Variants in ERBB4 observed in about 807,000 individuals in gnomAD.
The protein encoded by ERBB4 is erb-b2 receptor tyrosine kinase 4, also known as receptor tyrosine-protein kinase erbB-4.
Under a neutral mutation model 158.0 loss-of-function variants are expected in ERBB4, and 42 were observed. That is an observed-to-expected ratio of 0.27 (90% CI 0.21 to 0.34). The LOEUF is 0.34. Among genes scored for constraint, ERBB4 ranks in the 10% least tolerant of loss-of-function variants. The probability of loss-of-function intolerance (pLI) is 1.00; values close to 1 mark genes in which losing one functional copy is unlikely to be tolerated. For missense variants in ERBB4, 1,333 were observed against 1,624.1 expected (o/e 0.82, Z 3.08); for synonymous variants, 583 against 558.7 (o/e 1.04, Z -0.61).
At chr2:211,716,593 G>T (rs1446927996) in intron 7 of ERBB4, among the ~76,000 whole-genome samples, 4 of 149,554 alleles carry the variant, frequency 2.7e-5, no homozygotes, top group African/African-American at 9.9e-5. Context: ...GGAGAATGGC[G>T]TGAACCCGGG....
intron 1 of ERBB4, among the ~76,000 whole-genome samples, chr2:212,295,274 C>T (rs1471595085): frequency 6.6e-6 from 1 of 151,922 alleles, no homozygotes; most frequent in African/African-American, 2.4e-5. Flanking sequence ...TCAAAGCACC[C>T]ATAAGAAACA....
intron 1 of ERBB4, among the ~76,000 whole-genome samples, chr2:212,447,483 G>A (rs1048223841): frequency 6.6e-6 from 1 of 151,978 alleles, no homozygotes; most frequent in African/African-American, 2.4e-5. Context: ...CTTTTATTAT[G>A]AGCTAGTATT....
intron 13 of ERBB4, 29 bp downstream of exon 13, chr2:211,679,023 G>A (rs2105958577): frequency 1.3e-6 from 2 of 1,559,288 alleles, no homozygotes; most frequent in Non-Finnish European, 1.8e-6. Flanking sequence ...AAGCTCATGA[G>A]GTGAAGGCAA....
chr2:211,552,916 T>C (rs1033992140), intron 20 of ERBB4, among the ~76,000 whole-genome samples: 23 of 152,132 alleles, frequency 1.5e-4, no homozygotes, highest in Non-Finnish European at 3.2e-4. Context: ...TCCCCTGAGC[T>C]CAGTTCTTTG....
intron 1 of ERBB4, among the ~76,000 whole-genome samples, chr2:212,198,607 C>A (rs1023008241): frequency 6.6e-6 from 1 of 152,074 alleles, no homozygotes; most frequent in South Asian, 2.1e-4. Flanking sequence ...TGGAGTCTTG[C>A]TCTGTTGCCC....
chr2:211,826,741 T>C (rs2077107950), intron 3 of ERBB4, among the ~76,000 whole-genome samples: 1 of 151,966 alleles, frequency 6.6e-6, no homozygotes, highest in Non-Finnish European at 1.5e-5. Flanking sequence ...GATACACCAA[T>C]ATAAAATAAA....
chr2:212,064,368 G>A (rs2077876405), intron 2 of ERBB4, among the ~76,000 whole-genome samples: 1 of 152,026 alleles, frequency 6.6e-6, no homozygotes, highest in Admixed American at 6.6e-5. Flanking sequence ...AGATGATGAG[G>A]AACCTAGAAA....
At chr2:211,778,851 T>C (rs761563455) in intron 4 of ERBB4, 2 of 152,236 alleles carry the variant, frequency 1.3e-5, no homozygotes, top group Non-Finnish European at 2.9e-5. Context: ...TCCTTCTTAC[T>C]CCTTTCCCTT....
intron 1 of ERBB4, among the ~76,000 whole-genome samples, chr2:212,254,790 G>A (rs1421333950): frequency 6.6e-6 from 1 of 152,072 alleles, no homozygotes. Flanking sequence ...GGGACATGTT[G>A]TAAAGGTCTG....
At chr2:211,937,233 T>C (rs902888457) in intron 3 of ERBB4, among the ~76,000 whole-genome samples, 4 of 152,156 alleles carry the variant, frequency 2.6e-5, no homozygotes, top group Non-Finnish European at 5.9e-5. Context: ...ATGGCTTAAA[T>C]TTGTTGAAAT....
intron 20 of ERBB4, among the ~76,000 whole-genome samples, chr2:211,556,718 C>T (rs1234049861): frequency 6.6e-6 from 1 of 151,818 alleles, no homozygotes; most frequent in Non-Finnish European, 1.5e-5. Context: ...AAATTCAGGA[C>T]CAAGAAAGTA....
At chr2:211,432,458 G>A (rs2063764538) in intron 20 of ERBB4, among the ~76,000 whole-genome samples, 1 of 152,160 alleles carries the variant, frequency 6.6e-6, no homozygotes, top group Non-Finnish European at 1.5e-5. Flanking sequence ...GTGTGTATTA[G>A]TGTTTTCTGA....
At chr2:212,389,139 G>A (rs2090772174) in intron 1 of ERBB4, among the ~76,000 whole-genome samples, 1 of 152,070 alleles carries the variant, frequency 6.6e-6, no homozygotes. Context: ...GCCTAAATCT[G>A]ATGTTCCAGC....
intron 7 of ERBB4, among the ~76,000 whole-genome samples, chr2:211,715,416 C>T (rs1172166182): frequency 6.6e-6 from 1 of 152,204 alleles, no homozygotes; most frequent in Non-Finnish European, 1.5e-5. Context: ...TAATCTCTAT[C>T]TCAGGGGAAC....
At chr2:211,737,682 CA>C (rs2074647088) in intron 5 of ERBB4, among the ~76,000 whole-genome samples, 1 of 152,070 alleles carries the variant, frequency 6.6e-6, no homozygotes, top group Non-Finnish European at 1.5e-5. Context: ...GAAGCTGTTA[CA>C]AAGATTTTAT....
chr2:211,829,484 T>C (rs2077173536), intron 3 of ERBB4, among the ~76,000 whole-genome samples: 1 of 152,158 alleles, frequency 6.6e-6, no homozygotes, highest in African/African-American at 2.4e-5. Context: ...TTCTACGTCA[T>C]CACTCTGTCT....
intron 5 of ERBB4, among the ~76,000 whole-genome samples, chr2:211,731,662 T>C (rs1203675515): frequency 6.6e-6 from 1 of 152,056 alleles, no homozygotes; most frequent in Non-Finnish European, 1.5e-5. Flanking sequence ...TCAAAATTTA[T>C]TCCTATTAAT....
chr2:211,830,181 G>A (rs181964092), intron 3 of ERBB4, among the ~76,000 whole-genome samples: 1 of 152,262 alleles, frequency 6.6e-6, no homozygotes, highest in East Asian at 1.9e-4. Flanking sequence ...TTATTGACTA[G>A]TCCTCTTTCC....
intron 3 of ERBB4, among the ~76,000 whole-genome samples, chr2:211,924,843 G>T (rs1278782229): frequency 6.6e-6 from 1 of 152,144 alleles, no homozygotes; most frequent in Non-Finnish European, 1.5e-5. Flanking sequence ...GAAGAAAAAG[G>T]ACCAAGGATT....
Sources: gnomAD v4.1 joint callset for allele counts (sites outside exome capture counted in the v4.1 genomes callset) on GRCh38, gnomAD v4.1.1 for gene constraint, MANE v1.5 for transcripts, NCBI Gene and HGNC (gene_info 2026-07-23, HGNC 2026-07-21) for gene names.